The following SRPK2 variants were observed in gnomAD, a reference collection of about 807,000 sequenced individuals.
SRPK2 encodes the protein SRSF protein kinase 2.
SRPK2 carries 21 observed loss-of-function variants against 90.8 expected under a neutral mutation model. The observed-to-expected ratio is 0.23, with a 90% CI of 0.16 to 0.33. The LOEUF (loss-of-function observed/expected upper bound fraction) is 0.33. Ranked by LOEUF, SRPK2 falls within the 10% of genes least tolerant of loss-of-function variation. SRPK2 has a pLI of 1.00. For missense variants in SRPK2, 620 were observed against 869.0 expected (o/e 0.71, Z 3.60); for synonymous variants, 288 against 311.1 (o/e 0.93, Z 0.78).
intron 2 of SRPK2, among the ~76,000 whole-genome samples, chr7:105,386,031 C>A (rs1459114775): frequency 6.6e-6 from 1 of 152,286 alleles, no homozygotes; most frequent in East Asian, 1.9e-4. Flanking sequence ...AACTCTATCA[C>A]CGGCCGGGCT....
intron 2 of SRPK2, among the ~76,000 whole-genome samples, chr7:105,380,214 C>T (rs557072775): frequency 6.6e-6 from 1 of 152,296 alleles, no homozygotes; most frequent in East Asian, 1.9e-4. Flanking sequence ...TCAAAGCAAC[C>T]TCTATCTCCC....
intron 2 of SRPK2, among the ~76,000 whole-genome samples, chr7:105,307,127 G>A (rs1321398627): frequency 2.0e-5 from 3 of 152,144 alleles, no homozygotes; most frequent in African/African-American, 7.2e-5. Flanking sequence ...ACCTTGAAGG[G>A]AGACTTAATT....
chr7:105,389,331 T>C, upstream of SRPK2: 1 of 1,279,664 alleles, frequency 7.8e-7, no homozygotes, highest in South Asian at 1.2e-5. Flanking sequence ...TCCCGCGGCC[T>C]CTTCTCTCCC....
chr7:105,195,651 C>G (rs1794826017), intron 3 of SRPK2, among the ~76,000 whole-genome samples: 1 of 152,222 alleles, frequency 6.6e-6, no homozygotes, highest in Non-Finnish European at 1.5e-5. Context: ...CCCATACTCT[C>G]AACATCATCC....
At chr7:105,306,476 G>T in intron 2 of SRPK2, 1 of 450,558 alleles carries the variant, frequency 2.2e-6, no homozygotes, top group Non-Finnish European at 4.4e-6. Flanking sequence ...GTCAATACTT[G>T]AACCAGGCAA....
At chr7:105,332,091 C>T (rs570779720) in intron 2 of SRPK2, among the ~76,000 whole-genome samples, 5 of 152,222 alleles carry the variant, frequency 3.3e-5, no homozygotes, top group African/African-American at 9.6e-5. Context: ...CTTAGTGACA[C>T]CAACAAAACA....
At chr7:105,116,172 GAATC>G (rs1483697488), downstream of SRPK2, among the ~76,000 whole-genome samples, 8 of 152,078 alleles carry the variant, frequency 5.3e-5, no homozygotes, top group African/African-American at 1.9e-4. Context: ...ATATTCTAGA[GAATC>G]AATCTATACT....
At position 105,143,307 on chromosome 7, in the gene SRPK2, T is replaced by G; in HGVS notation, c.837A>C (p.Lys279Asn). 1 of 1,612,552 alleles carries G rather than the reference T, an allele frequency of 6.2e-7. No homozygotes were observed. Among genetic ancestry groups the G allele is most frequent in the Non-Finnish European group, 8.5e-7 (1 of 1,179,806 alleles). The change falls in exon 10 of 16, where the codon AAA (lysine) becomes AAC (asparagine). Residue 279 changes from lysine to asparagine, a missense_variant. Lys to Asn is a moderately conservative substitution (Grantham distance 94). Coordinates refer to ENST00000393651, the MANE Select transcript of SRPK2 (RefSeq NM_182692.3). ...TCTGTTTCTTTTTCAGTTTTTTCTTTTTGTTTTTAGATATTTTTCCTATCT... is the reference window on the plus strand; with the variant it reads ...TCTGTTTCTTTTTCAGTTTTTTCTTGTTGTTTTTAGATATTTTTCCTATCT... The part of the protein sequence containing the change: ...QKPIGKISKN[K>N]KKKLKKKQKR...
At chr7:105,121,080 G>C (rs1221660871) in intron 15 of SRPK2, among the ~76,000 whole-genome samples, 1 of 152,172 alleles carries the variant, frequency 6.6e-6, no homozygotes, top group Non-Finnish European at 1.5e-5. Context: ...GGGCACGGTG[G>C]CTCATGACTG....
chr7:105,376,651 C>G (rs912302928), intron 2 of SRPK2, among the ~76,000 whole-genome samples: 8 of 151,284 alleles, frequency 5.3e-5, no homozygotes, highest in Non-Finnish European at 1.2e-4. Context: ...CAATTCTCCT[C>G]CTCAGCCTCC....
intron 2 of SRPK2, among the ~76,000 whole-genome samples, chr7:105,369,125 T>TTTACTA (rs1819417349): frequency 7.0e-6 from 1 of 143,318 alleles, no homozygotes; most frequent in Non-Finnish European, 1.5e-5. Flanking sequence ...CAAGATTTAT[T>TTTACTA]TTATTATTAT....
chr7:105,397,669 A>G (rs1006963174), intron 1 of SRPK2, among the ~76,000 whole-genome samples: 8 of 150,152 alleles, frequency 5.3e-5, no homozygotes, highest in Non-Finnish European at 1.2e-4. Context: ...TGGGAGACTG[A>G]GTCTCACTCT....
chr7:105,221,093 G>A (rs1178489119), intron 2 of SRPK2, among the ~76,000 whole-genome samples: 3 of 152,072 alleles, frequency 2.0e-5, no homozygotes, highest in Admixed American at 6.5e-5. Context: ...ACCAGTTTTC[G>A]ACAAAAATCT....
intron 15 of SRPK2, among the ~76,000 whole-genome samples, chr7:105,120,367 T>C (rs560008665): frequency 2.3e-4 from 35 of 152,298 alleles, no homozygotes; most frequent in Admixed American, 7.8e-4. Context: ...CAATCTTCCA[T>C]GAAAAGAGAA....
At chr7:105,178,330 C>T (rs1792266021) in intron 3 of SRPK2, among the ~76,000 whole-genome samples, 2 of 152,158 alleles carry the variant, frequency 1.3e-5, no homozygotes, top group Admixed American at 1.3e-4. Flanking sequence ...CATTAAACTC[C>T]CTTGAAACTG....
At chr7:105,143,742 T>G (rs1269017707) in intron 9 of SRPK2, 1 of 192,034 alleles carries the variant, frequency 5.2e-6, no homozygotes, top group Non-Finnish European at 1.1e-5. Flanking sequence ...CGAGCAGGTG[T>G]ATGTCACTGT....
chr7:105,301,932 C>T lies in SRPK2; in HGVS notation c.71+86716G>A. ...ATTGAAACTCCTAATACAGCCCCAT[C>T]AAGTAAGAAAAAAGACAAAAAAGAA... On this transcript the variant is annotated intron_variant, in intron 2 of 15. Coordinates refer to ENST00000393651, the MANE Select transcript of SRPK2 (RefSeq NM_182692.3). 9 of 1,609,244 alleles carry T rather than the reference C, an allele frequency of 5.6e-6. No individual in the cohort carries two copies. The South Asian group carries it at 9.9e-5, about 18-fold the overall frequency.
At chr7:105,375,397 T>A (rs1820166556) in intron 2 of SRPK2, among the ~76,000 whole-genome samples, 1 of 152,162 alleles carries the variant, frequency 6.6e-6, no homozygotes, top group Non-Finnish European at 1.5e-5. Flanking sequence ...TGAAATGTAG[T>A]CAGGCCAAGC....
intron 2 of SRPK2, among the ~76,000 whole-genome samples, chr7:105,379,058 G>A (rs530185760): frequency 2.6e-5 from 4 of 152,048 alleles, no homozygotes; most frequent in African/African-American, 7.2e-5. Context: ...TCAGCAGCCT[G>A]AGGCAGGAGG....
Sources: gnomAD v4.1 joint callset for allele counts (sites outside exome capture counted in the v4.1 genomes callset) on GRCh38, gnomAD v4.1.1 for gene constraint, MANE v1.5 for transcripts, NCBI Gene and HGNC (gene_info 2026-07-23, HGNC 2026-07-21) for gene names.